Variants in IMMP2L observed in about 807,000 individuals in gnomAD.
IMMP2L encodes the protein inner mitochondrial membrane peptidase subunit 2.
Under a neutral mutation model 19.3 loss-of-function variants are expected in IMMP2L, and 18 were observed. The ratio of observed to expected loss-of-function variants is 0.93; its 90% CI spans 0.64 to 1.38. IMMP2L has a LOEUF of 1.38. Ranked by LOEUF, IMMP2L falls within the 40% of genes most tolerant of loss-of-function variation. The pLI, the probability that IMMP2L is intolerant of heterozygous loss-of-function variation, is 0.00. For synonymous variants in IMMP2L, 76 were observed against 73.0 expected (o/e 1.04, Z -0.21); for missense variants, 233 against 218.2 (o/e 1.07, Z -0.43).
At chr7:110,900,751 C>G (rs1563066313) in intron 4 of IMMP2L, among the ~76,000 whole-genome samples, 2 of 152,312 alleles carry the variant, frequency 1.3e-5, no homozygotes, top group South Asian at 4.1e-4. Context: ...GAAACTAGAG[C>G]TGGTAGCATC....
intron 3 of IMMP2L, among the ~76,000 whole-genome samples, chr7:110,976,905 T>G (rs141799612): frequency 6.6e-6 from 1 of 152,122 alleles, no homozygotes; most frequent in African/African-American, 2.4e-5. Flanking sequence ...AATCTAAAAT[T>G]TCCTATCAGG....
intron 5 of IMMP2L, among the ~76,000 whole-genome samples, chr7:110,859,232 C>T (rs910469855): frequency 1.3e-5 from 2 of 152,018 alleles, no homozygotes; most frequent in Admixed American, 1.3e-4. Flanking sequence ...GCTTTTGACT[C>T]AGAGATCTGT....
chr7:111,171,082 A>C (rs982194900), intron 3 of IMMP2L, among the ~76,000 whole-genome samples: 2 of 151,742 alleles, frequency 1.3e-5, no homozygotes, highest in African/African-American at 4.8e-5. Flanking sequence ...TACCTCTGAG[A>C]AATCAGTATA....
At chr7:111,503,725 G>C (rs946579721) in intron 2 of IMMP2L, among the ~76,000 whole-genome samples, 4 of 152,068 alleles carry the variant, frequency 2.6e-5, no homozygotes, top group African/African-American at 9.7e-5. Flanking sequence ...AAAACCACAT[G>C]ATTATCTCAA....
intron 5 of IMMP2L, among the ~76,000 whole-genome samples, chr7:110,872,165 C>T (rs925030002): frequency 6.6e-6 from 1 of 152,104 alleles, no homozygotes; most frequent in African/African-American, 2.4e-5. Flanking sequence ...AAACTAATCA[C>T]ACTTAGTCTT....
At chr7:110,879,415 T>C (rs772476810) in intron 5 of IMMP2L, among the ~76,000 whole-genome samples, 120 of 152,084 alleles carry the variant, frequency 7.9e-4, no homozygotes, top group Admixed American at 4.2e-3. Flanking sequence ...TATTATTTTA[T>C]ATTTTATACA....
chr7:111,290,827 A>AAC (rs541375499), intron 3 of IMMP2L, among the ~76,000 whole-genome samples: 12,094 of 134,924 alleles, frequency 0.09, 522 homozygotes, highest in African/African-American at 0.13. Flanking sequence ...TATATATACA[A>AAC]ACACACACAC....
At chr7:110,785,658 T>A (rs1021951939) in intron 5 of IMMP2L, among the ~76,000 whole-genome samples, 1 of 151,930 alleles carries the variant, frequency 6.6e-6, no homozygotes, top group African/African-American at 2.4e-5. Context: ...CCGCCTTGCA[T>A]CACCAATGAG....
At chr7:111,022,486 G>T (rs1461603250) in intron 3 of IMMP2L, among the ~76,000 whole-genome samples, 1 of 152,146 alleles carries the variant, frequency 6.6e-6, no homozygotes, top group East Asian at 1.9e-4. Flanking sequence ...AAGACCCCAA[G>T]AAGTGTTAGG....
At chr7:110,822,006 T>C (rs1803078310) in intron 5 of IMMP2L, among the ~76,000 whole-genome samples, 1 of 152,062 alleles carries the variant, frequency 6.6e-6, no homozygotes. Flanking sequence ...TAACTTCTAG[T>C]CAGTCAACTG....
At chr7:110,701,062 AC>A (rs1486107320) in intron 5 of IMMP2L, among the ~76,000 whole-genome samples, 1 of 152,214 alleles carries the variant, frequency 6.6e-6, no homozygotes, top group Non-Finnish European at 1.5e-5. Flanking sequence ...TTGTTTTATG[AC>A]ATGTTGTACA....
intron 3 of IMMP2L, among the ~76,000 whole-genome samples, chr7:110,985,080 G>A (rs978325769): frequency 6.6e-6 from 1 of 152,034 alleles, no homozygotes; most frequent in Admixed American, 6.6e-5. Context: ...AGATGGAAGA[G>A]GGAGACCATG....
In IMMP2L at chr7:111,538,759, C is replaced by G. The variant is rs187016488; in HGVS notation, c.-2-17310G>C. On this transcript the variant is annotated intron_variant, in intron 1 of 5. Transcript: ENST00000405709. Reference sequence around the variant, plus strand: ...AAGGAGATCGAGACTGCAGTGAGCTCTGATCACACCACTGCACTCCAGCCT... The same window carrying G: ...AAGGAGATCGAGACTGCAGTGAGCTGTGATCACACCACTGCACTCCAGCCT... 2.0e-3 allele frequency among the ~76,000 whole-genome samples: 280 copies of G among 143,032 alleles called. 3 individuals are homozygous for G. Among genetic ancestry groups the G allele is most frequent in the African/African-American group, 7.0e-3 (264 of 37,898 alleles). The allele number at this position is 143,032 out of a possible 152,430, so 93.8% of individuals were successfully genotyped here.
At chr7:111,158,372 A>G (rs1348744034) in intron 3 of IMMP2L, among the ~76,000 whole-genome samples, 1 of 152,114 alleles carries the variant, frequency 6.6e-6, no homozygotes, top group African/African-American at 2.4e-5. Flanking sequence ...AACATAATTC[A>G]TAAGGGTGAG....
At chr7:110,673,763 A>T (rs994867584) in intron 5 of IMMP2L, among the ~76,000 whole-genome samples, 1 of 152,154 alleles carries the variant, frequency 6.6e-6, no homozygotes, top group African/African-American at 2.4e-5. Flanking sequence ...ACCTCAGCCT[A>T]GATTTTATTG....
At chr7:110,873,196 A>G (rs1365104797) in intron 5 of IMMP2L, among the ~76,000 whole-genome samples, 1 of 152,092 alleles carries the variant, frequency 6.6e-6, no homozygotes, top group Non-Finnish European at 1.5e-5. Context: ...CATGTGGATC[A>G]CTTGAGGAAG....
rs181939957 is a variant in IMMP2L, at chr7:111,287,990, G to T, written c.239+199248C>A. On this transcript the variant is annotated intron_variant, in intron 3 of 5. Transcript: ENST00000405709. ...GTTTCCATAAGCTCAATAATGAAAT[G>T]CCTTGCATAGGTAAACATCAAAAAT... is the stretch of plus-strand genomic sequence containing the variant. Among the ~76,000 whole-genome samples the T allele has an allele frequency of 2.6e-5, 4 of 152,272 alleles. No homozygotes were observed. The East Asian group carries it at 7.7e-4, about 29-fold the overall frequency.
chr7:111,413,423 A>C (rs1834629962), intron 3 of IMMP2L, among the ~76,000 whole-genome samples: 1 of 152,148 alleles, frequency 6.6e-6, no homozygotes, highest in South Asian at 2.1e-4. Flanking sequence ...AGACCAATGT[A>C]TCTCATACAT....
chr7:111,117,359 G>A (rs1176393989), intron 3 of IMMP2L, among the ~76,000 whole-genome samples: 1 of 152,008 alleles, frequency 6.6e-6, no homozygotes, highest in Non-Finnish European at 1.5e-5. Flanking sequence ...AATAATCTGA[G>A]GTACAAGAAA....
Sources: allele counts gnomAD v4.1 joint callset (sites outside exome capture counted in the v4.1 genomes callset), GRCh38; gene constraint gnomAD v4.1.1; transcripts MANE v1.5; gene names NCBI Gene and HGNC (gene_info 2026-07-23, HGNC 2026-07-21).